MGAT5: variants seen among roughly 807,000 people sequenced by gnomAD.
MGAT5 encodes the protein alpha-1,6-mannosylglycoprotein 6-beta-N-acetylglucosaminyltransferase A.
MGAT5 carries 30 observed loss-of-function variants against 94.3 expected under a neutral mutation model. The observed-to-expected ratio is 0.32, with a 90% CI of 0.24 to 0.43. MGAT5 has a LOEUF of 0.43. Ranked by LOEUF, MGAT5 falls within the 20% of genes least tolerant of loss-of-function variation. The pLI is 1.00. For missense variants in MGAT5, 691 were observed against 905.5 expected (o/e 0.76, Z 3.04); for synonymous variants, 310 against 322.9 (o/e 0.96, Z 0.43).
intron 8 of MGAT5, among the ~76,000 whole-genome samples, chr2:134,346,215 C>G (rs1688918322): frequency 6.6e-6 from 1 of 152,048 alleles, no homozygotes; most frequent in African/African-American, 2.4e-5. Context: ...CTCACATATC[C>G]TCGCTGTTAA....
intron 2 of MGAT5, among the ~76,000 whole-genome samples, chr2:134,312,002 C>T (rs1427684330): frequency 6.6e-6 from 1 of 152,172 alleles, no homozygotes; most frequent in African/African-American, 2.4e-5. Context: ...GTAATCCCAG[C>T]ACTTTGGGAG....
intron 10 of MGAT5, among the ~76,000 whole-genome samples, chr2:134,377,081 C>G (rs1681229350): frequency 1.3e-5 from 2 of 152,204 alleles, no homozygotes; most frequent in African/African-American, 4.8e-5. Flanking sequence ...CTGTCACAAG[C>G]TAGTCAGCTA....
At chr2:134,293,879 G>A (rs1685520572) in intron 2 of MGAT5, among the ~76,000 whole-genome samples, 1 of 152,204 alleles carries the variant, frequency 6.6e-6, no homozygotes, top group Non-Finnish European at 1.5e-5. Context: ...AGCATGAAAT[G>A]AGACCATCTC....
Position 134,297,793 on chromosome 2 carries a change from G to A in MGAT5, c.407-19736G>A, listed in dbSNP as rs144423857. Among the ~76,000 whole-genome samples, 1,204 of 152,010 alleles carry A rather than the reference G, an allele frequency of 7.9e-3. 14 individuals carry two copies. The highest frequency in any genetic ancestry group is 0.028 in the African/African-American group (1,148 of 41,452). ...CTAAGATTAGGAAAATGGCAAGGCT[G>A]TTCACTCTTGCCACTTCTATTCAAT... On this transcript the variant is annotated intron_variant, in intron 2 of 15. Transcript: ENST00000281923.
At chr2:134,314,476 T>G (rs138771522) in intron 2 of MGAT5, among the ~76,000 whole-genome samples, 253 of 152,242 alleles carry the variant, frequency 1.7e-3, no homozygotes, top group African/African-American at 5.9e-3. Context: ...CAGATGGCAC[T>G]TAGTGTCTGG....
rs1335936068 is a variant in MGAT5, at chr2:134,450,789, T to A, written c.*1942T>A. 2.1e-4 allele frequency: 12 copies of A among 56,472 alleles called. No individual in the cohort carries two copies. Among genetic ancestry groups the A allele is most frequent in the African/African-American group, 6.4e-4 (6 of 9,372 alleles). 3.5% of individuals were successfully genotyped at this position (56,472 alleles called of 1,614,324 possible). ...AAGGAAACCTTGGTGAGTGAGTGTG[T>A]GTGTGTGTGTGTGTGTGTGTGTGTG... On this transcript the variant is annotated 3_prime_UTR_variant, in exon 16 of 16. Transcript: ENST00000281923.
intron 10 of MGAT5, among the ~76,000 whole-genome samples, chr2:134,398,690 A>G (rs1034313389): frequency 2.0e-5 from 3 of 152,228 alleles, no homozygotes; most frequent in African/African-American, 7.2e-5. Flanking sequence ...AGTGTCCATC[A>G]GCGGATGAAT....
rs58666142 is a variant in MGAT5 at position 134,450,783 on chromosome 2, A to AGTGTGTGTGTGT, written c.*1973_*1984dup. 5.1e-5 allele frequency: 7 copies of AGTGTGTGTGTGT among 137,388 alleles called. No homozygotes were observed. The highest frequency in any genetic ancestry group is 4.4e-4 in the East Asian group (2 of 4,552). 8.5% of individuals were successfully genotyped at this position (137,388 alleles called of 1,614,324 possible). ...AGTCCAAAGGAAACCTTGGTGAGTG[A>AGTGTGTGTGTGT]GTGTGTGTGTGTGTGTGTGTGTGTG... On this transcript the variant is annotated 3_prime_UTR_variant, in exon 16 of 16. Coordinates refer to ENST00000281923, the MANE Select transcript of MGAT5 (RefSeq NM_002410.5).
At chr2:134,276,486 G>A (rs1387218427) in intron 2 of MGAT5, among the ~76,000 whole-genome samples, 3 of 152,182 alleles carry the variant, frequency 2.0e-5, no homozygotes, top group African/African-American at 7.2e-5. Flanking sequence ...CAAGATATGA[G>A]AGAGTAAATT....
chr2:134,411,171 A>T (rs1006242405), intron 11 of MGAT5, among the ~76,000 whole-genome samples: 8 of 152,184 alleles, frequency 5.3e-5, no homozygotes, highest in African/African-American at 1.9e-4. Flanking sequence ...CCCTATAGTT[A>T]GAAGTTCTCT....
At chr2:134,407,661 C>T (rs1313378687) in intron 11 of MGAT5, among the ~76,000 whole-genome samples, 1 of 152,110 alleles carries the variant, frequency 6.6e-6, no homozygotes, top group Non-Finnish European at 1.5e-5. Context: ...ACAGTGATGA[C>T]TCAAGCAGTT....
chr2:134,386,919 C>T (rs927342732), intron 10 of MGAT5, among the ~76,000 whole-genome samples: 2 of 151,938 alleles, frequency 1.3e-5, no homozygotes, highest in Non-Finnish European at 1.5e-5. Flanking sequence ...TAGAAAATAA[C>T]AAAATGTTAA....
intron 1 of MGAT5, among the ~76,000 whole-genome samples, chr2:134,167,244 A>G (rs1688004234): frequency 6.6e-6 from 1 of 152,248 alleles, no homozygotes; most frequent in South Asian, 2.1e-4. Context: ...TGCTGAATGA[A>G]TCATCCTCAG....
rs932724325 is a variant in MGAT5, at chr2:134,164,982, G to C, written c.-143+44691G>C. Among the ~76,000 whole-genome samples, 3 of 152,236 alleles carry C rather than the reference G, an allele frequency of 2.0e-5. No homozygotes were observed. In the South Asian group the frequency reaches 6.2e-4, roughly 31 times the overall value. On this transcript the variant is annotated intron_variant, in intron 1 of 16. Coordinates refer to the MGAT5 transcript ENST00000409645. ...TGTGTCCTCCAGCACGGTGTTGGTA[G>C]GGTATAAGATGAAAAGATGCTGCCC...
Position 134,450,803 on chromosome 2 carries a change from T to C in MGAT5, c.*1956T>C. ...GAGTGAGTGTGTGTGTGTGTGTGTG[T>C]GTGTGTGTGTGTGTGTGTGTGTGTG... On this transcript the variant is annotated 3_prime_UTR_variant, in exon 16 of 16. Transcript: ENST00000281923. The C allele has an allele frequency of 8.0e-6, 1 of 125,294 alleles. No homozygotes were observed. 7.8% of individuals were successfully genotyped at this position (125,294 alleles called of 1,614,324 possible).
intron 1 of MGAT5, among the ~76,000 whole-genome samples, chr2:134,239,060 G>A (rs966038148): frequency 6.6e-6 from 1 of 152,108 alleles, no homozygotes; most frequent in African/African-American, 2.4e-5. Context: ...GTGCAGTGGC[G>A]CCATCTCACC....
At chr2:134,136,404 C>A (rs1382840480) in intron 1 of MGAT5, among the ~76,000 whole-genome samples, 4 of 151,978 alleles carry the variant, frequency 2.6e-5, no homozygotes, top group Non-Finnish European at 4.4e-5. Flanking sequence ...CTGTCTCTTA[C>A]CAAAAATAAA....
chr2:134,245,877 T>C (rs1411345008), intron 1 of MGAT5, among the ~76,000 whole-genome samples: 1 of 152,170 alleles, frequency 6.6e-6, no homozygotes, highest in Non-Finnish European at 1.5e-5. Flanking sequence ...AAGACAAATA[T>C]GCACTTCAGG....
intron 10 of MGAT5, among the ~76,000 whole-genome samples, chr2:134,388,592 A>T (rs750561188): frequency 6.6e-6 from 1 of 152,172 alleles, no homozygotes; most frequent in Non-Finnish European, 1.5e-5. Flanking sequence ...GATTGGGTAG[A>T]TTCTTTAAGT....
Sources: allele counts gnomAD v4.1 joint callset (sites outside exome capture counted in the v4.1 genomes callset), GRCh38; gene constraint gnomAD v4.1.1; transcripts MANE v1.5; gene names NCBI Gene and HGNC (gene_info 2026-07-23, HGNC 2026-07-21).